The following GRID2 variants were observed in gnomAD, a reference collection of about 807,000 sequenced individuals.
The protein encoded by GRID2 is glutamate ionotropic receptor delta type subunit 2.
In GRID2, 33 loss-of-function variants were observed where a neutral mutation model predicts 114.8. The ratio of observed to expected loss-of-function variants is 0.29; its 90% CI spans 0.22 to 0.38. The LOEUF (loss-of-function observed/expected upper bound fraction) is 0.38. Among genes scored for constraint, GRID2 ranks in the 10% least tolerant of loss-of-function variants. The pLI is 1.00. For synonymous variants in GRID2, 505 were observed against 449.9 expected, an observed-to-expected ratio of 1.12 and a Z score of -1.55; for missense variants, 1,184 against 1,257.7, an observed-to-expected ratio of 0.94 and a Z score of 0.89.
chr4:93,515,118 T>G, intron 12 of GRID2, 98 bp from the exon 13 acceptor site: 1 of 485,524 alleles, frequency 2.1e-6, no homozygotes, highest in Non-Finnish European at 3.6e-6. Flanking sequence ...GATATATGTT[T>G]CCACACATAT....
chr4:93,480,230 A>G (rs770225523), intron 11 of GRID2, among the ~76,000 whole-genome samples: 12 of 152,094 alleles, frequency 7.9e-5, no homozygotes, highest in South Asian at 4.1e-4. Context: ...ACAAAATTGT[A>G]TGTTTGACCT....
chr4:93,087,448 C>T (rs189687513), intron 3 of GRID2, among the ~76,000 whole-genome samples: 1 of 152,122 alleles, frequency 6.6e-6, no homozygotes, highest in Non-Finnish European at 1.5e-5. Context: ...ATATTATAGT[C>T]AGGTAATTTG....
chr4:93,095,621 ATTTC>A (rs1234071949), intron 3 of GRID2, among the ~76,000 whole-genome samples: 1 of 152,046 alleles, frequency 6.6e-6, no homozygotes, highest in South Asian at 2.1e-4. Context: ...AAGTAATTGT[ATTTC>A]TTTCTAATAG....
chr4:93,005,152 T>A (rs1721378956), intron 2 of GRID2, among the ~76,000 whole-genome samples: 2 of 152,062 alleles, frequency 1.3e-5, no homozygotes, highest in Admixed American at 1.3e-4. Flanking sequence ...AATAGACAGT[T>A]TCAAAATAGG....
intron 11 of GRID2, among the ~76,000 whole-genome samples, chr4:93,477,805 G>T (rs1725465309): frequency 6.6e-6 from 1 of 152,020 alleles, no homozygotes; most frequent in African/African-American, 2.4e-5. Flanking sequence ...GGAATAAAAG[G>T]CTTTATTAAA....
intron 2 of GRID2, among the ~76,000 whole-genome samples, chr4:93,053,981 C>CCACAATTT (rs1401192751): frequency 6.6e-6 from 1 of 151,934 alleles, no homozygotes; most frequent in Non-Finnish European, 1.5e-5. Flanking sequence ...CCAGATAATT[C>CCACAATTT]CACAATTTCA....
Position 92,304,304 on chromosome 4 carries a change from C to T in GRID2, c.-353C>T. The T allele has an allele frequency of 3.9e-6, 1 of 255,796 alleles. No individual in the cohort carries two copies. The highest frequency in any genetic ancestry group is 4.9e-5 in the South Asian group (1 of 20,228). The allele number at this position is 255,796 out of a possible 1,614,324, so 15.8% of individuals were successfully genotyped here. On this transcript the variant is annotated 5_prime_UTR_variant, in exon 1 of 16. Transcript: ENST00000282020. ...TGCAGCGGAGCTGGGACCGGAGACC[C>T]GCGGCCCCCGCGCAGCGATGGGTCT...
At chr4:92,602,795 C>T (rs185602106) in intron 2 of GRID2, among the ~76,000 whole-genome samples, 6 of 152,280 alleles carry the variant, frequency 3.9e-5, no homozygotes, top group African/African-American at 1.4e-4. Context: ...GATCTTCTAT[C>T]TAGAAAACCC....
intron 13 of GRID2, among the ~76,000 whole-genome samples, chr4:93,521,434 A>G (rs1490706714): frequency 6.6e-6 from 1 of 152,192 alleles, no homozygotes; most frequent in African/African-American, 2.4e-5. Context: ...ATGGAAAACA[A>G]GAGAGAGTAA....
At chr4:93,544,034 T>C (rs1402431269) in intron 13 of GRID2, among the ~76,000 whole-genome samples, 1 of 152,212 alleles carries the variant, frequency 6.6e-6, no homozygotes, top group African/African-American at 2.4e-5. Context: ...ACTCTCTATA[T>C]TACATCAAAT....
chr4:93,064,985 A>G (rs1728166245), intron 2 of GRID2, among the ~76,000 whole-genome samples: 1 of 151,892 alleles, frequency 6.6e-6, no homozygotes, highest in African/African-American at 2.4e-5. Flanking sequence ...GATACTCTTC[A>G]AAACTTATTC....
intron 12 of GRID2, among the ~76,000 whole-genome samples, chr4:93,506,304 A>G (rs1433204477): frequency 1.3e-5 from 2 of 152,170 alleles, no homozygotes. Flanking sequence ...CTTCAGGGTC[A>G]TCTGCTGGTC....
At chr4:93,095,095 T>C (rs1350023172) in intron 3 of GRID2, among the ~76,000 whole-genome samples, 1 of 151,958 alleles carries the variant, frequency 6.6e-6, no homozygotes. Flanking sequence ...TTAGGAAATA[T>C]TTTGATAAAA....
chr4:93,683,158 C>A (rs907357578), intron 14 of GRID2, among the ~76,000 whole-genome samples: 2 of 151,884 alleles, frequency 1.3e-5, no homozygotes, highest in African/African-American at 4.8e-5. Flanking sequence ...AGCATAGCCT[C>A]TCTCCCTGGG....
chr4:92,965,720 A>G (rs980860509), intron 2 of GRID2, among the ~76,000 whole-genome samples: 2 of 151,844 alleles, frequency 1.3e-5, no homozygotes, highest in African/African-American at 4.8e-5. Context: ...GGAAGTCCAA[A>G]TATAGTATTT....
chr4:93,454,567 C>T (rs1723011665), intron 10 of GRID2, among the ~76,000 whole-genome samples: 1 of 151,934 alleles, frequency 6.6e-6, no homozygotes, highest in South Asian at 2.1e-4. Flanking sequence ...TACACACAGA[C>T]ATACAAACAC....
chr4:93,108,202 C>G (rs141272438), intron 3 of GRID2, among the ~76,000 whole-genome samples: 1 of 152,314 alleles, frequency 6.6e-6, no homozygotes, highest in Non-Finnish European at 1.5e-5. Flanking sequence ...CTCCTCCTCA[C>G]CCTATTATCA....
chr4:92,415,762 A>G lies in GRID2; in HGVS notation c.88+111018A>G, dbSNP rs1033509622. 4.8e-4 allele frequency among the ~76,000 whole-genome samples: 66 copies of G among 137,178 alleles called. 3 individuals are homozygous for G. The South Asian group carries it at 0.012, about 25-fold the overall frequency. 90.0% of individuals were successfully genotyped at this position (137,178 alleles called of 152,430 possible). A position where few individuals can be genotyped will look rare whatever the true frequency, so the allele number is the denominator to read the frequency against. ...TGTGTATATATATATATATATATAT[A>G]TATATATATATATATATATCACATT... is the stretch of plus-strand genomic sequence containing the variant. On this transcript the variant is annotated intron_variant, in intron 1 of 15. Transcript: ENST00000282020.
chr4:92,953,004 A>G (rs959334307), intron 2 of GRID2, among the ~76,000 whole-genome samples: 4 of 152,152 alleles, frequency 2.6e-5, no homozygotes, highest in South Asian at 2.1e-4. Context: ...TTTTACTTTC[A>G]GCTACATTAC....
Sources: allele counts gnomAD v4.1 joint callset (sites outside exome capture counted in the v4.1 genomes callset), GRCh38; gene constraint gnomAD v4.1.1; transcripts MANE v1.5; gene names NCBI Gene and HGNC (gene_info 2026-07-23, HGNC 2026-07-21).